Variants in P4HA3 observed in about 807,000 individuals in gnomAD.
P4HA3 encodes prolyl 4-hydroxylase subunit alpha-3.
Under a neutral mutation model 66.7 loss-of-function variants are expected in P4HA3, and 60 were observed. The observed-to-expected ratio is 0.90, with a 90% CI of 0.73 to 1.12. P4HA3 has a LOEUF of 1.12. Ranked by LOEUF, P4HA3 falls within the 50% of genes most tolerant of loss-of-function variation. The pLI is 0.00. For missense variants in P4HA3, 683 were observed against 685.8 expected, an observed-to-expected ratio of 1.00 and a Z score of 0.05; for synonymous variants, 263 against 274.6, an observed-to-expected ratio of 0.96 and a Z score of 0.42.
chr11:74,307,077 T>C (rs774448656), intron 1 of P4HA3, among the ~76,000 whole-genome samples: 1 of 152,096 alleles, frequency 6.6e-6, no homozygotes, highest in Non-Finnish European at 1.5e-5. Flanking sequence ...CCAGGAACAA[T>C]TGAGGCTGAG....
At chr11:74,255,050 AG>A (rs1413385649) in intron 15 of P4HA3, among the ~76,000 whole-genome samples, 3 of 152,304 alleles carry the variant, frequency 2.0e-5, no homozygotes, top group Admixed American at 2.0e-4. Flanking sequence ...AGCTCTGAAC[AG>A]GTAGGCCCAG....
At chr11:74,278,775 A>G (rs1376350966) in intron 8 of P4HA3, among the ~76,000 whole-genome samples, 1 of 152,208 alleles carries the variant, frequency 6.6e-6, no homozygotes, top group Non-Finnish European at 1.5e-5. Flanking sequence ...CACAGCTTTC[A>G]TCACTCACCT....
chr11:74,263,431 G>A (rs1009430023), downstream of P4HA3, among the ~76,000 whole-genome samples: 4 of 152,198 alleles, frequency 2.6e-5, no homozygotes, highest in Non-Finnish European at 4.4e-5. Context: ...TATTGCCAAT[G>A]GAAGCACAGA....
At chr11:74,277,862 G>A (rs1485313914) in intron 8 of P4HA3, among the ~76,000 whole-genome samples, 1 of 152,200 alleles carries the variant, frequency 6.6e-6, no homozygotes, top group Non-Finnish European at 1.5e-5. Context: ...GAGACGATAA[G>A]GCTCTGAGGG....
intron 4 of P4HA3, among the ~76,000 whole-genome samples, chr11:74,297,057 G>A (rs1404379907): frequency 6.6e-6 from 1 of 150,800 alleles, no homozygotes; most frequent in Non-Finnish European, 1.5e-5. Flanking sequence ...TCAGCCTCCT[G>A]AGTAGCTGGG....
rs948705193 is a variant in P4HA3 at position 74,272,346 on chromosome 11, G to A, written c.1398+1199C>T. 4.9e-4 allele frequency among the ~76,000 whole-genome samples: 74 copies of A among 152,202 alleles called. 1 individual carries two copies. Among genetic ancestry groups the A allele is most frequent in the African/African-American group, 1.8e-3 (73 of 41,440 alleles). Reference sequence around the variant, plus strand: ...AACCAGCCATAGGAGATATTGAGGGGATAAAGAACAGAGATATATTGTGCC... The same window carrying A: ...AACCAGCCATAGGAGATATTGAGGGAATAAAGAACAGAGATATATTGTGCC... On this transcript the variant is annotated intron_variant, in intron 10 of 12. Transcript: ENST00000331597.
intron 15 of P4HA3, among the ~76,000 whole-genome samples, chr11:74,257,962 T>TG (rs1408849514): frequency 1.3e-5 from 2 of 151,780 alleles, no homozygotes; most frequent in Non-Finnish European, 2.9e-5. Context: ...TCATGAGAAG[T>TG]GGGGGTTGGA....
rs144518683 is a variant in P4HA3, at chr11:74,286,249, T to C, written c.912A>G (p.Leu304=). The change falls in exon 6 of 13, where the codon CTA becomes CTG. Residue 304 remains leucine, a synonymous_variant. Transcript: ENST00000331597. ...CTACCTGGGAACCCAGGGTCTGACA[T>C]AGCCCCTCGTAGGTGTCTCTGGTCT... ...HLQTRDTYEG[L]CQTLGSQPTL... is the part of the protein sequence containing the mutation. 4,255 of 1,612,892 alleles carry C rather than the reference T, an allele frequency of 2.6e-3. 120 individuals are homozygous for C. The highest frequency in any genetic ancestry group is 3.0e-4 in the Non-Finnish European group (350 of 1,179,740).
At chr11:74,268,024 T>C in intron 12 of P4HA3, 121 bp downstream of exon 12, 1 of 831,210 alleles carries the variant, frequency 1.2e-6, no homozygotes, top group East Asian at 2.5e-5. Flanking sequence ...CTTCTCAATA[T>C]AATGTGGCAC....
rs375412276 is a variant in P4HA3 at position 74,304,339 on chromosome 11, G to C, written c.274C>G (p.Leu92Val). 3.2e-5 allele frequency: 51 copies of C among 1,614,000 alleles called. 1 individual carries two copies. The highest frequency in any genetic ancestry group is 1.8e-4 in the East Asian group (8 of 44,882). ...CAGTCAGACTGCAGGCGTTTGATGA[G>C]AGTAAATGCAAGCAGAGGGTTAGCC... is the stretch of plus-strand genomic sequence containing the variant. ...PVANPLLAFT[L>V]IKRLQSDWRN... Residue 92 changes from leucine (L) to valine (V), a missense_variant, in exon 2 of 13, where the codon CTC becomes GTC. Coordinates refer to ENST00000331597, the MANE Select transcript of P4HA3 (RefSeq NM_182904.5).
intron 15 of P4HA3, among the ~76,000 whole-genome samples, chr11:74,259,587 T>C (rs546481822): frequency 6.6e-6 from 1 of 152,324 alleles, no homozygotes; most frequent in Admixed American, 6.5e-5. Flanking sequence ...TCTGTACCCA[T>C]TAAGCAATAA....
At chr11:74,284,999 TATA>T (rs926511404) in intron 7 of P4HA3, among the ~76,000 whole-genome samples, 19 of 152,308 alleles carry the variant, frequency 1.2e-4, no homozygotes, top group African/African-American at 4.3e-4. Context: ...ATAACGAAAT[TATA>T]ATAATGATTG....
chr11:74,279,256 T>C (rs1219541891), intron 8 of P4HA3, 132 bp downstream of exon 8: 3 of 809,278 alleles, frequency 3.7e-6, no homozygotes, highest in African/African-American at 1.7e-5. Context: ...TTAAAAAGAA[T>C]GTACAGCTAT....
Position 74,289,070 on chromosome 11 carries a change from A to G in P4HA3, c.769+9T>C, listed in dbSNP as rs1860907865. ...CCTGTGGCTGGCTTATCTTTTATCC[A>G]TTACGTACTGTAGAGAAGAAACTCC... On this transcript the variant is annotated intron_variant, in intron 5 of 12. Coordinates refer to ENST00000331597, the MANE Select transcript of P4HA3 (RefSeq NM_182904.5). 1 of 1,565,178 alleles carries G rather than the reference A, an allele frequency of 6.4e-7. No homozygotes were observed. The highest frequency in any genetic ancestry group is 1.4e-5 in the African/African-American group (1 of 72,272).
In P4HA3 at chr11:74,311,464, G is replaced by A. The variant is rs1861746397; in HGVS notation, c.148C>T (p.Leu50=). 1 of 1,537,450 alleles carries A rather than the reference G, an allele frequency of 6.5e-7. No homozygotes were observed. Among genetic ancestry groups the A allele is most frequent in the Non-Finnish European group, 8.7e-7 (1 of 1,149,122 alleles). The change falls in exon 1 of 13, where the codon CTG becomes TTG. Residue 50 remains leucine, a synonymous_variant. Transcript: ENST00000331597. ...TCCCCGCGCAGGTACCGCCTCAGCA[G>A]CCCCAGCAGCCGGCGCTCGGGCGCC... is the stretch of plus-strand genomic sequence containing the variant. The part of the protein sequence containing the change: ...ALAPERRLLG[L]LRRYLRGEEA...
chr11:74,283,197 T>C (rs961480231), intron 7 of P4HA3, among the ~76,000 whole-genome samples: 20 of 152,084 alleles, frequency 1.3e-4, no homozygotes, highest in African/African-American at 4.6e-4. Flanking sequence ...GAAGGAAGTG[T>C]GCCAAGATCT....
chr11:74,286,371 C>A lies in P4HA3; in HGVS notation c.790G>T (p.Ala264Ser). 6.4e-7 allele frequency: 1 copy of A among 1,555,106 alleles called. No individual in the cohort carries two copies. The highest frequency in any genetic ancestry group is 8.7e-7 in the Non-Finnish European group (1 of 1,152,458). Reference sequence around the variant, plus strand: ...CTTTCATATTTCAAGACATTCCTGGCCATCCTCTTATTATCTGGGCCTGGA... The same window carrying A: ...CTTTCATATTTCAAGACATTCCTGGACATCCTCTTATTATCTGGGCCTGGA... ...LLYSPDNKRM[A>S]RNVLKYERLL... The change falls in exon 6 of 13, where the codon GCC becomes TCC. Residue 264 changes from alanine to serine, a missense_variant. By Grantham distance (99) the Ala-to-Ser change is moderately conservative. Transcript: ENST00000331597.
intron 4 of P4HA3, 105 bp from the exon 5 acceptor site, chr11:74,289,235 A>G (rs1860918874): frequency 7.0e-6 from 7 of 1,006,116 alleles, no homozygotes; most frequent in African/African-American, 5.1e-5. Flanking sequence ...TATTCTTACC[A>G]TAAGTAGATA....
chr11:74,296,829 T>C (rs1861228051), intron 4 of P4HA3, among the ~76,000 whole-genome samples: 1 of 152,168 alleles, frequency 6.6e-6, no homozygotes. Flanking sequence ...ACTCAATTAC[T>C]TCTCACCCCT....
Sources: gnomAD v4.1 joint callset for allele counts (sites outside exome capture counted in the v4.1 genomes callset) on GRCh38, gnomAD v4.1.1 for gene constraint, MANE v1.5 for transcripts, NCBI Gene and HGNC (gene_info 2026-07-23, HGNC 2026-07-21) for gene names.